ADAP1: variants seen among roughly 807,000 people sequenced by gnomAD.
The protein encoded by ADAP1 is arf-GAP with dual PH domain-containing protein 1.
Under a neutral mutation model 54.9 loss-of-function variants are expected in ADAP1, and 31 were observed. The ratio of observed to expected loss-of-function variants is 0.56; its 90% CI spans 0.42 to 0.76. ADAP1 has a LOEUF of 0.76. ADAP1 is among the 30% of genes least tolerant of loss of function. ADAP1 has a pLI of 0.00. For synonymous variants in ADAP1, 313 were observed against 202.6 expected, an observed-to-expected ratio of 1.55 and a Z score of -4.63; for missense variants, 535 against 512.4, an observed-to-expected ratio of 1.04 and a Z score of -0.42.
chr7:955,366 A>T, upstream of ADAP1: 1 of 1,550,268 alleles, frequency 6.5e-7, no homozygotes, highest in Non-Finnish European at 8.7e-7. Flanking sequence ...TTCTTCTTGC[A>T]GGGTTAATGC....
In ADAP1 at chr7:898,006, C is replaced by T. The variant is rs1156318912; in HGVS notation, c.*915G>A. Reference sequence around the variant, plus strand: ...CTATGAGGGCTTGTCCAGGGCTCCCCTGGAACACAGCTCAGCCAGGCAAGG... The same window carrying T: ...CTATGAGGGCTTGTCCAGGGCTCCCTTGGAACACAGCTCAGCCAGGCAAGG... On this transcript the variant is annotated 3_prime_UTR_variant, in exon 11 of 11. Coordinates refer to ENST00000265846, the MANE Select transcript of ADAP1 (RefSeq NM_006869.4). 2 of 152,230 alleles carry T rather than the reference C, an allele frequency of 1.3e-5. No homozygotes were observed. The highest frequency in any genetic ancestry group is 1.9e-4 in the East Asian group (1 of 5,182). 9.4% of individuals were successfully genotyped at this position (152,230 alleles called of 1,614,324 possible). A position where few individuals can be genotyped will look rare whatever the true frequency, so the allele number is the denominator to read the frequency against.
At chr7:901,566 T>C (rs1369157782) in intron 6 of ADAP1, among the ~76,000 whole-genome samples, 12 of 152,138 alleles carry the variant, frequency 7.9e-5, no homozygotes, top group Admixed American at 7.8e-4. Flanking sequence ...TGGAGGATGG[T>C]GTAGCCCCAG....
chr7:936,888 G>A (rs920580495), intron 1 of ADAP1, among the ~76,000 whole-genome samples: 2 of 152,246 alleles, frequency 1.3e-5, no homozygotes, highest in Non-Finnish European at 1.5e-5. Flanking sequence ...CCCTCCCAAC[G>A]CTGATCGGGG....
rs879713601 is a variant in ADAP1 at position 946,684 on chromosome 7, C to A, written c.82+7712G>T. ...AGCCCACTCTCTGGGGCCCCCACCC[C>A]GCGCCCCTCCAGGCTCTTCAGGGCC... On this transcript the variant is annotated intron_variant, in intron 1 of 10. Transcript: ENST00000265846. The surrounding 1 kb of genome is among the most constrained non-coding windows in gnomAD (Gnocchi z 4.3). 2.6e-5 allele frequency among the ~76,000 whole-genome samples: 4 copies of A among 152,204 alleles called. No homozygotes were observed. Among genetic ancestry groups the A allele is most frequent in the Non-Finnish European group, 5.9e-5 (4 of 68,030 alleles).
At position 904,203 on chromosome 7, in the gene ADAP1, G is replaced by A; in HGVS notation, c.571C>T (p.His191Tyr). ...NATFQPAKIG[H>Y]PHGLQVTYLK... ...TAGGTGACCTGCAGGCCGTGGGGGT[G>A]GCCGATCTTGGCCGGCTGGAAGGTG... The change falls in exon 6 of 11, where the codon CAC becomes TAC. Residue 191 changes from histidine to tyrosine, a missense_variant. Transcript: ENST00000265846. 6.2e-7 allele frequency: 1 copy of A among 1,611,456 alleles called. No individual in the cohort carries two copies. Among genetic ancestry groups the A allele is most frequent in the Non-Finnish European group, 8.5e-7 (1 of 1,179,278 alleles).
chr7:951,245 T>C (rs939384803), intron 1 of ADAP1, among the ~76,000 whole-genome samples: 46 of 150,826 alleles, frequency 3.0e-4, no homozygotes, highest in African/African-American at 6.8e-4. Flanking sequence ...TGGTGGCGGG[T>C]GCCTGTAGTC....
At chr7:900,495 C>A in intron 7 of ADAP1, 38 bp downstream of exon 7, 1 of 1,480,848 alleles carries the variant, frequency 6.8e-7, no homozygotes, top group East Asian at 2.4e-5. Flanking sequence ...CCCACCACCC[C>A]TGTCTGCCCT....
Position 904,108 on chromosome 7 carries a change from G to A in ADAP1, c.648+18C>T, listed in dbSNP as rs1376156151. The A allele has an allele frequency of 1.9e-6, 3 of 1,611,068 alleles. No homozygotes were observed. Among genetic ancestry groups the A allele is most frequent in the East Asian group, 2.2e-5 (1 of 44,782 alleles). ...ACCCTCCTGTGCCACCCGGGCCCGAGTGCTCGCCAGCACCCACCTTCCCGT... is the reference window on the plus strand; with the variant it reads ...ACCCTCCTGTGCCACCCGGGCCCGAATGCTCGCCAGCACCCACCTTCCCGT... On this transcript the variant is annotated intron_variant, in intron 6 of 10. Transcript: ENST00000265846.
intron 2 of ADAP1, among the ~76,000 whole-genome samples, chr7:932,802 GT>G (rs1846626074): frequency 6.6e-6 from 1 of 152,250 alleles, no homozygotes; most frequent in Non-Finnish European, 1.5e-5. Flanking sequence ...GTGGGCCGGG[GT>G]CCTGAGGGGA....
In ADAP1 at chr7:917,714, C is replaced by A. The variant is rs1211749585; in HGVS notation, c.388+2254G>T. 3.3e-5 allele frequency among the ~76,000 whole-genome samples: 5 copies of A among 152,164 alleles called. No individual in the cohort carries two copies. In the East Asian group the frequency reaches 9.6e-4, roughly 29 times the overall value. ...CGTGGTCTCAAGTGATCCATCCGCCCGCCTAGGCCTCCCAAGGTGCTTCTT... is the reference window on the plus strand; with the variant it reads ...CGTGGTCTCAAGTGATCCATCCGCCAGCCTAGGCCTCCCAAGGTGCTTCTT... On this transcript the variant is annotated intron_variant, in intron 4 of 10. Coordinates refer to ENST00000265846, the MANE Select transcript of ADAP1 (RefSeq NM_006869.4).
intron 6 of ADAP1, among the ~76,000 whole-genome samples, chr7:901,560 G>A (rs1221748737): frequency 1.3e-5 from 2 of 152,178 alleles, no homozygotes; most frequent in South Asian, 2.1e-4. Context: ...ACCAGCTGGA[G>A]GATGGTGTAG....
chr7:935,677 C>CCCCG lies in ADAP1; in HGVS notation c.83-173_83-172insCGGG, dbSNP rs1186137309. On this transcript the variant is annotated intron_variant, in intron 1 of 10. Coordinates refer to ENST00000265846, the MANE Select transcript of ADAP1 (RefSeq NM_006869.4). ...ACAGGCACCTAACCCCAGCTCCCCC[C>CCCCG]CCGCCCTCTGCCCGGTGCAGACGGG... Among the ~76,000 whole-genome samples the CCCCG allele has an allele frequency of 2.0e-5, 3 of 151,628 alleles. No homozygotes were observed. The East Asian group carries it at 5.9e-4, about 30-fold the overall frequency.
Position 954,404 on chromosome 7 carries a change from C to G in ADAP1, c.74G>C (p.Gly25Ala). The G allele has an allele frequency of 8.8e-7, 1 of 1,131,378 alleles. No individual in the cohort carries two copies. Among genetic ancestry groups the G allele is most frequent in the South Asian group, 2.0e-5 (1 of 49,652 alleles). 70.1% of individuals were successfully genotyped at this position (1,131,378 alleles called of 1,614,324 possible). ...RPGNARCADC[G>A]APDPDWASYT... Reference sequence around the variant, plus strand: ...ACCCGGCCCACACCTACCCGGGGCGCCGCAGTCCGCGCAGCGCGCGTTCCC... The same window carrying G: ...ACCCGGCCCACACCTACCCGGGGCGGCGCAGTCCGCGCAGCGCGCGTTCCC... The change falls in exon 1 of 11, where the codon GGC (glycine) becomes GCC (alanine). Residue 25 changes from glycine to alanine, a missense_variant. Physicochemically the swap from Gly to Ala is moderately conservative, Grantham distance 60. Coordinates refer to ENST00000265846, the MANE Select transcript of ADAP1 (RefSeq NM_006869.4).
intron 6 of ADAP1, among the ~76,000 whole-genome samples, chr7:901,978 G>A (rs570387105): frequency 4.8e-4 from 73 of 152,164 alleles, no homozygotes; most frequent in African/African-American, 1.7e-3. Flanking sequence ...TGGGGCTCCG[G>A]GCAGACGGGG....
At chr7:904,021 G>C (rs913667175) in intron 6 of ADAP1, 105 bp downstream of exon 6, 40 of 1,462,024 alleles carry the variant, frequency 2.7e-5, no homozygotes, top group Non-Finnish European at 3.5e-5. Flanking sequence ...CCTAGCTCAA[G>C]TGCCTACCCT....
intron 1 of ADAP1, among the ~76,000 whole-genome samples, chr7:949,502 G>A (rs1847218114): frequency 6.6e-6 from 1 of 152,252 alleles, no homozygotes; most frequent in Non-Finnish European, 1.5e-5. Flanking sequence ...CTGGGGGCAG[G>A]GGCAGTGCCA....
chr7:908,954 C>T (rs562122670), intron 4 of ADAP1, among the ~76,000 whole-genome samples: 323 of 152,298 alleles, frequency 2.1e-3, no homozygotes, highest in African/African-American at 6.7e-3. Flanking sequence ...AGCGACCGGG[C>T]TCCCTAGGCC....
intron 4 of ADAP1, among the ~76,000 whole-genome samples, chr7:912,030 A>C (rs1450438645): frequency 6.6e-6 from 1 of 152,134 alleles, no homozygotes; most frequent in Non-Finnish European, 1.5e-5. Flanking sequence ...CGTGCCGCAC[A>C]CCATCGTCCC....
Position 920,107 on chromosome 7 carries a change from C to T in ADAP1, c.306-57G>A, listed in dbSNP as rs376963580. On this transcript the variant is annotated intron_variant, in intron 3 of 10. Transcript: ENST00000265846. This position sits in a 1 kb window ranked among gnomAD's most constrained non-coding sequence, Gnocchi z 4.5. ...CCAAGGCGGCCTCCGACCCAGCACACGCCGCTCTCTGGCCCGGACCCTGGA... is the reference window on the plus strand; with the variant it reads ...CCAAGGCGGCCTCCGACCCAGCACATGCCGCTCTCTGGCCCGGACCCTGGA... 8.8e-5 allele frequency: 134 copies of T among 1,525,694 alleles called. No individual in the cohort carries two copies. In the East Asian group the frequency reaches 2.7e-3, roughly 31 times the overall value. The allele number at this position is 1,525,694 out of a possible 1,614,324, so 94.5% of individuals were successfully genotyped here.
Sources: allele counts gnomAD v4.1 joint callset (sites outside exome capture counted in the v4.1 genomes callset), GRCh38; gene constraint gnomAD v4.1.1; non-coding constraint Gnocchi (gnomAD v3.1); transcripts MANE v1.5; gene names NCBI Gene and HGNC (gene_info 2026-07-23, HGNC 2026-07-21).